The following LCOR variants were observed in gnomAD, a reference collection of about 807,000 sequenced individuals.
LCOR encodes ligand-dependent corepressor.
LCOR carries 14 observed loss-of-function variants against 64.4 expected under a neutral mutation model. The observed-to-expected ratio is 0.22, with a 90% CI of 0.14 to 0.34. The LOEUF (loss-of-function observed/expected upper bound fraction) is 0.34. LCOR is among the 10% of genes least tolerant of loss of function. The probability of loss-of-function intolerance (pLI) is 1.00; values close to 1 mark genes in which losing one functional copy is unlikely to be tolerated. For missense variants in LCOR, 1,686 were observed against 1,765.3 expected, an observed-to-expected ratio of 0.96 and a Z score of 0.80; for synonymous variants, 643 against 642.5, an observed-to-expected ratio of 1.00 and a Z score of -0.01.
chr10:96,852,845 A>G (rs1254023692), intron 2 of LCOR, among the ~76,000 whole-genome samples: 1 of 152,180 alleles, frequency 6.6e-6, no homozygotes. Flanking sequence ...TATGACTTCC[A>G]TAAAACAATT....
At chr10:96,945,969 G>C (rs966244793) in intron 5 of LCOR, among the ~76,000 whole-genome samples, 1 of 151,340 alleles carries the variant, frequency 6.6e-6, no homozygotes, top group African/African-American at 2.4e-5. Flanking sequence ...ATAACCTTTA[G>C]GGGAGGAATT....
rs1848158876 is a variant in LCOR at position 96,987,628 on chromosome 10, A to G, written c.*2494A>G. ...TATACTTTATAATAAGGACATTTAA[A>G]TAGACCAAGAGTCTACATAATTATG... On this transcript the variant is annotated 3_prime_UTR_variant, in exon 8 of 8. Transcript: ENST00000421806. The G allele has an allele frequency of 3.3e-5, 5 of 152,264 alleles. No homozygotes were observed. In the South Asian group the frequency reaches 1.0e-3, roughly 31 times the overall value. 9.4% of individuals were successfully genotyped at this position (152,264 alleles called of 1,614,324 possible). A position where few individuals can be genotyped will look rare whatever the true frequency, so the allele number is the denominator to read the frequency against.
At chr10:96,900,923 C>T (rs1589643137) in intron 2 of LCOR, among the ~76,000 whole-genome samples, 1 of 149,636 alleles carries the variant, frequency 6.7e-6, no homozygotes, top group South Asian at 2.1e-4. Context: ...GGCGCAGTGG[C>T]TCACACCTGT....
rs1845349938 is a variant in LCOR at position 96,832,385 on chromosome 10, T to A, written c.-418T>A. On this transcript the variant is annotated 5_prime_UTR_variant, in exon 1 of 8. Coordinates refer to ENST00000421806, the MANE Select transcript of LCOR (RefSeq NM_001346516.2). ...GAACTGGATTCGTGGCGCCACAAGC[T>A]CATTCACTGTGTAGGTGAGACCCTC... 1 of 984,340 alleles carries A rather than the reference T, an allele frequency of 1.0e-6. No homozygotes were observed. Among genetic ancestry groups the A allele is most frequent in the Non-Finnish European group, 1.2e-6 (1 of 828,988 alleles). 61.0% of individuals were successfully genotyped at this position (984,340 alleles called of 1,614,324 possible).
rs1324433927 is a variant in LCOR at position 96,984,519 on chromosome 10, T to C, written c.4059T>C (p.Pro1353=). The C allele has an allele frequency of 6.2e-7, 1 of 1,614,180 alleles. No individual in the cohort carries two copies. The highest frequency in any genetic ancestry group is 1.7e-5 in the Admixed American group (1 of 60,028). Residue 1353 remains proline, a synonymous_variant, in exon 8 of 8, where the codon CCT becomes CCC. Coordinates refer to ENST00000421806, the MANE Select transcript of LCOR (RefSeq NM_001346516.2). ...KPSRKSVCIN[P]LMSPKLALQV... ...GTCGTAAGAGCGTATGCATCAACCC[T>C]CTGATGTCCCCCAAGCTTGCCCTGC...
At chr10:96,973,055 C>A (rs1848011843) in intron 7 of LCOR, among the ~76,000 whole-genome samples, 1 of 152,122 alleles carries the variant, frequency 6.6e-6, no homozygotes, top group Non-Finnish European at 1.5e-5. Context: ...ATTCTGATCT[C>A]TGGGAAAGGG....
At chr10:96,838,460 C>T (rs1375988708) in intron 2 of LCOR, among the ~76,000 whole-genome samples, 1 of 152,158 alleles carries the variant, frequency 6.6e-6, no homozygotes, top group African/African-American at 2.4e-5. Context: ...AACCCCACAT[C>T]CATAGGCAGT....
rs1001752364 is a variant in LCOR at position 96,870,968 on chromosome 10, T to A, written c.-329-36297T>A. Among the ~76,000 whole-genome samples, 4 of 152,356 alleles carry A rather than the reference T, an allele frequency of 2.6e-5. No individual in the cohort carries two copies. In the South Asian group the frequency reaches 8.3e-4, roughly 32 times the overall value. On this transcript the variant is annotated intron_variant, in intron 2 of 7. Coordinates refer to ENST00000421806, the MANE Select transcript of LCOR (RefSeq NM_001346516.2). The stretch of plus-strand genomic sequence containing the variant: ...CTGGTACTATATCAGTCGGTAATTA[T>A]TTGTTTTCCTTAGACCATATTGAGC...
At chr10:96,869,379 AT>A (rs1256006389) in intron 2 of LCOR, among the ~76,000 whole-genome samples, 1 of 151,272 alleles carries the variant, frequency 6.6e-6, no homozygotes. Flanking sequence ...CGGCCAGCTA[AT>A]TTTTTTGTAT....
At chr10:96,966,494 C>G (rs1252866847) in intron 7 of LCOR, among the ~76,000 whole-genome samples, 1 of 152,092 alleles carries the variant, frequency 6.6e-6, no homozygotes, top group Non-Finnish European at 1.5e-5. Context: ...TCCCAAAGTG[C>G]TAGGATTACA....
At chr10:96,854,442 T>C (rs375904170) in intron 2 of LCOR, among the ~76,000 whole-genome samples, 7 of 152,294 alleles carry the variant, frequency 4.6e-5, no homozygotes, top group African/African-American at 1.2e-4. Flanking sequence ...TTCTCCTGCC[T>C]CAGCCTCCCG....
rs766667771 is a variant in LCOR at position 96,984,013 on chromosome 10, A to G, written c.3553A>G (p.Lys1185Glu). Residue 1185 changes from lysine to glutamate, a missense_variant, in exon 8 of 8, where the codon AAA (lysine) becomes GAA (glutamate). Coordinates refer to ENST00000421806, the MANE Select transcript of LCOR (RefSeq NM_001346516.2). ...MTNFKLSNVCKWFLETTETRS... is the reference protein window; with the variant it reads ...MTNFKLSNVCEWFLETTETRS... ...AAACTTTAAATTATCTAATGTTTGT[A>G]AATGGTTCTTAGAGACAACTGAAAC... is the stretch of plus-strand genomic sequence containing the variant. 5.6e-6 allele frequency: 9 copies of G among 1,614,220 alleles called. No homozygotes were observed. Among genetic ancestry groups the G allele is most frequent in the Non-Finnish European group, 7.6e-6 (9 of 1,180,032 alleles).
intron 2 of LCOR, among the ~76,000 whole-genome samples, chr10:96,876,027 A>G (rs965602199): frequency 3.3e-5 from 5 of 150,954 alleles, no homozygotes; most frequent in African/African-American, 1.2e-4. Flanking sequence ...AAAAAAAAAA[A>G]GTAAAAGAAG....
chr10:96,940,214 A>G (rs1847426142), intron 4 of LCOR, among the ~76,000 whole-genome samples: 1 of 152,092 alleles, frequency 6.6e-6, no homozygotes, highest in Non-Finnish European at 1.5e-5. Flanking sequence ...TGCTTTGGAA[A>G]ATGGTTCAGC....
chr10:96,965,056 T>G (rs1050268288), intron 7 of LCOR, among the ~76,000 whole-genome samples: 1 of 151,852 alleles, frequency 6.6e-6, no homozygotes, highest in African/African-American at 2.4e-5. Context: ...TCTCCCAGGC[T>G]GGAATGCAGT....
chr10:96,855,332 C>T (rs980303988), intron 2 of LCOR, among the ~76,000 whole-genome samples: 13 of 148,878 alleles, frequency 8.7e-5, no homozygotes, highest in African/African-American at 3.1e-4. Context: ...AAAACTTACT[C>T]GAGCCGATAA....
At chr10:96,967,514 C>T (rs1371522985) in intron 7 of LCOR, among the ~76,000 whole-genome samples, 1 of 152,148 alleles carries the variant, frequency 6.6e-6, no homozygotes, top group East Asian at 1.9e-4. Context: ...GAGGGTGTTA[C>T]AGACTGAATG....
At chr10:96,972,219 T>A (rs963270637) in intron 7 of LCOR, among the ~76,000 whole-genome samples, 12 of 152,256 alleles carry the variant, frequency 7.9e-5, no homozygotes, top group African/African-American at 2.4e-4. Flanking sequence ...AAAAATATTT[T>A]AAAAATATTT....
chr10:96,852,397 G>T (rs1169031545), intron 2 of LCOR, among the ~76,000 whole-genome samples: 1 of 152,138 alleles, frequency 6.6e-6, no homozygotes. Flanking sequence ...CTCCAGCCTG[G>T]GTGGCAGAGT....
Sources: gnomAD v4.1 joint callset for allele counts (sites outside exome capture counted in the v4.1 genomes callset) on GRCh38, gnomAD v4.1.1 for gene constraint, MANE v1.5 for transcripts, NCBI Gene and HGNC (gene_info 2026-07-23, HGNC 2026-07-21) for gene names.